The following RBFOX1 variants were observed in gnomAD, a reference collection of about 807,000 sequenced individuals.
RBFOX1 encodes the protein RNA binding fox-1 homolog 1, also known as RNA binding protein fox-1 homolog 1.
In RBFOX1, 8 loss-of-function variants were observed where a neutral mutation model predicts 57.7. The ratio of observed to expected loss-of-function variants is 0.14; its 90% confidence interval spans 0.08 to 0.25. The LOEUF is 0.25. RBFOX1 is among the 10% of genes least tolerant of loss of function. The pLI, the probability that RBFOX1 is intolerant of heterozygous loss-of-function variation, is 1.00. For synonymous variants in RBFOX1, 326 were observed against 222.4 expected (o/e 1.47, Z -4.15); for missense variants, 611 against 548.5 (o/e 1.11, Z -1.14).
chr16:7,260,434 C>G (rs1181171317), intron 4 of RBFOX1, among the ~76,000 whole-genome samples: 1 of 152,036 alleles, frequency 6.6e-6, no homozygotes, highest in Non-Finnish European at 1.5e-5. Context: ...CACAAAGCTC[C>G]CAAACTGTTT....
intron 2 of RBFOX1, among the ~76,000 whole-genome samples, chr16:6,554,400 A>C (rs760537703): frequency 1.3e-5 from 2 of 152,178 alleles, no homozygotes; most frequent in African/African-American, 2.4e-5. Context: ...GTGGACTGCA[A>C]ATGTGCACGA....
At chr16:5,669,600 A>G (rs1006102480) in intron 3 of RBFOX1, among the ~76,000 whole-genome samples, 2 of 151,992 alleles carry the variant, frequency 1.3e-5, no homozygotes, top group African/African-American at 4.8e-5. Context: ...TTGCATTTTT[A>G]TTAGAGACGG....
At chr16:7,561,735 T>C (rs1567836610) in intron 5 of RBFOX1, among the ~76,000 whole-genome samples, 1 of 152,224 alleles carries the variant, frequency 6.6e-6, no homozygotes, top group Admixed American at 6.5e-5. Flanking sequence ...AACCCAGGGA[T>C]GTTCAGGGAG....
At chr16:5,969,550 C>T (rs1019783050) in intron 4 of RBFOX1, among the ~76,000 whole-genome samples, 1 of 147,890 alleles carries the variant, frequency 6.8e-6, no homozygotes, top group Admixed American at 6.9e-5. Context: ...TCTCGAACTG[C>T]TGATCTCATG....
intron 4 of RBFOX1, among the ~76,000 whole-genome samples, chr16:5,927,737 G>A (rs1052987125): frequency 1.3e-5 from 2 of 152,188 alleles, no homozygotes; most frequent in African/African-American, 4.8e-5. Context: ...ATAATGTGGT[G>A]TATATACATG....
chr16:6,676,548 T>A (rs2057723688), intron 3 of RBFOX1, among the ~76,000 whole-genome samples: 1 of 152,104 alleles, frequency 6.6e-6, no homozygotes, highest in African/African-American at 2.4e-5. Context: ...TCCACAAACA[T>A]TTACCCCTAT....
At chr16:6,473,843 C>G (rs983945620) in intron 2 of RBFOX1, among the ~76,000 whole-genome samples, 1 of 152,142 alleles carries the variant, frequency 6.6e-6, no homozygotes, top group Non-Finnish European at 1.5e-5. Flanking sequence ...GGTTAAGGTG[C>G]ACACTTGGCT....
At chr16:6,500,218 A>G (rs907525631) in intron 2 of RBFOX1, among the ~76,000 whole-genome samples, 2 of 152,102 alleles carry the variant, frequency 1.3e-5, no homozygotes, top group Admixed American at 6.5e-5. Context: ...GGTATCTTCT[A>G]TTTTTTCCTA....
intron 4 of RBFOX1, among the ~76,000 whole-genome samples, chr16:5,923,733 G>A (rs1011201149): frequency 6.6e-6 from 1 of 151,816 alleles, no homozygotes; most frequent in East Asian, 1.9e-4. Context: ...TGGAGATGGG[G>A]TTTCACCATG....
At chr16:7,560,194 C>G (rs994092746) in intron 5 of RBFOX1, among the ~76,000 whole-genome samples, 15 of 152,206 alleles carry the variant, frequency 9.9e-5, no homozygotes, top group South Asian at 8.3e-4. Flanking sequence ...AACCTGTCAA[C>G]TTTTCTGGCT....
intron 3 of RBFOX1, among the ~76,000 whole-genome samples, chr16:6,880,080 T>C (rs7185871): frequency 0.25 from 38,470 of 152,120 alleles, 5,103 homozygotes; most frequent in African/African-American, 0.32. Flanking sequence ...CCTTTCTCCT[T>C]AGGGATGTTC....
chr16:7,400,742 C>T (rs1018692485), intron 4 of RBFOX1, among the ~76,000 whole-genome samples: 7 of 152,174 alleles, frequency 4.6e-5, no homozygotes, highest in Non-Finnish European at 7.3e-5. Flanking sequence ...AACCATCAGT[C>T]TGCAGTAATC....
rs148807834 is a variant in RBFOX1 at position 7,408,841 on chromosome 16, C to T, written c.28-109306C>T. 8.6e-3 allele frequency among the ~76,000 whole-genome samples: 1,307 copies of T among 151,934 alleles called. 18 individuals are homozygous for T. The highest frequency in any genetic ancestry group is 0.029 in the African/African-American group (1,215 of 41,302). On this transcript the variant is annotated intron_variant, in intron 4 of 15. Coordinates refer to ENST00000550418, the MANE Select transcript of RBFOX1 (RefSeq NM_018723.4). Reference sequence around the variant, plus strand: ...CCAGATACTGCCATTGTCCCTAAGGCATGGGGGCAGGGGGGTGGTTAACAT... The same window carrying T: ...CCAGATACTGCCATTGTCCCTAAGGTATGGGGGCAGGGGGGTGGTTAACAT...
intron 4 of RBFOX1, among the ~76,000 whole-genome samples, chr16:5,955,891 C>G (rs927515822): frequency 1.3e-5 from 2 of 152,166 alleles, no homozygotes; most frequent in East Asian, 1.9e-4. Context: ...GGGTCCAATG[C>G]TCAAATAGCA....
rs76221527 is a variant in RBFOX1, at chr16:6,928,250, C to A, written c.-15-123807C>A. ...ATTCTGATTTAATTGGTCTGAGGATCCCTGGGCATCCAGATTTTTAAAAGC... is the reference window on the plus strand; with the variant it reads ...ATTCTGATTTAATTGGTCTGAGGATACCTGGGCATCCAGATTTTTAAAAGC... On this transcript the variant is annotated intron_variant, in intron 3 of 15. Transcript: ENST00000550418. Among the ~76,000 whole-genome samples the A allele has an allele frequency of 3.2e-3, 480 of 152,252 alleles. 5 individuals carry two copies. The highest frequency in any genetic ancestry group is 0.011 in the African/African-American group (464 of 41,536).
intron 1 of RBFOX1, among the ~76,000 whole-genome samples, chr16:5,254,113 A>G (rs11865488): frequency 1.2e-3 from 180 of 152,302 alleles, no homozygotes; most frequent in African/African-American, 4.2e-3. Context: ...TGTTTAGTAT[A>G]TGCTCACCTA....
At chr16:7,323,715 A>G (rs899626639) in intron 4 of RBFOX1, among the ~76,000 whole-genome samples, 3 of 152,240 alleles carry the variant, frequency 2.0e-5, no homozygotes, top group African/African-American at 7.2e-5. Flanking sequence ...AACAGATACA[A>G]TGAAATGAGT....
chr16:6,750,990 A>G (rs955338663), intron 3 of RBFOX1, among the ~76,000 whole-genome samples: 5 of 152,144 alleles, frequency 3.3e-5, no homozygotes, highest in Non-Finnish European at 5.9e-5. Flanking sequence ...CTGGCCAAAA[A>G]GAGGAAGGAT....
At chr16:7,057,655 C>T (rs566041856) in intron 4 of RBFOX1, among the ~76,000 whole-genome samples, 2 of 152,082 alleles carry the variant, frequency 1.3e-5, no homozygotes, top group African/African-American at 2.4e-5. Context: ...TTGCCCAGGG[C>T]CAACTCTTGA....
Sources: gnomAD v4.1 joint callset for allele counts (sites outside exome capture counted in the v4.1 genomes callset) on GRCh38, gnomAD v4.1.1 for gene constraint, MANE v1.5 for transcripts, NCBI Gene and HGNC (gene_info 2026-07-23, HGNC 2026-07-21) for gene names.